KALRN: variants seen among roughly 807,000 people sequenced by gnomAD.
The protein encoded by KALRN is kalirin.
In KALRN, 70 loss-of-function variants were observed where a neutral mutation model predicts 353.7. The observed-to-expected ratio is 0.20, with a 90% CI of 0.16 to 0.24. KALRN has a LOEUF of 0.24. KALRN is among the 10% of genes least tolerant of loss of function. The probability of loss-of-function intolerance (pLI) is 1.00; values close to 1 mark genes in which losing one functional copy is unlikely to be tolerated. For missense variants in KALRN, 2,791 were observed against 3,756.7 expected, an observed-to-expected ratio of 0.74 and a Z score of 6.72; for synonymous variants, 1,391 against 1,434.8, an observed-to-expected ratio of 0.97 and a Z score of 0.69.
At chr3:124,622,915 A>G (rs2079442308) in intron 34 of KALRN, among the ~76,000 whole-genome samples, 1 of 142,596 alleles carries the variant, frequency 7.0e-6, no homozygotes, top group African/African-American at 2.8e-5. Flanking sequence ...ACACTAAACC[A>G]GAAAGGGGAG....
chr3:124,588,010 G>A (rs557724576), intron 34 of KALRN, among the ~76,000 whole-genome samples: 113 of 150,710 alleles, frequency 7.5e-4, no homozygotes, highest in African/African-American at 2.6e-3. Flanking sequence ...GTTCTATTGA[G>A]TATGAGTACA....
chr3:124,200,310 A>T (rs1032653270), intron 1 of KALRN, among the ~76,000 whole-genome samples: 1 of 152,262 alleles, frequency 6.6e-6, no homozygotes, highest in Non-Finnish European at 1.5e-5. Flanking sequence ...AAAATACCAT[A>T]AACTGGGTGG....
chr3:124,446,958 G>A lies in KALRN; in HGVS notation c.3552+73G>A, dbSNP rs903756014. 21 of 1,553,022 alleles carry A rather than the reference G, an allele frequency of 1.4e-5. No individual in the cohort carries two copies. In the African/African-American group the frequency reaches 1.6e-4, roughly 12 times the overall value. Reference sequence around the variant, plus strand: ...TTCTGGCCAATTTCACATTATGGAAGCAAAGACAGCTTCTGTAAGCAAAAA... The same window carrying A: ...TTCTGGCCAATTTCACATTATGGAAACAAAGACAGCTTCTGTAAGCAAAAA... On this transcript the variant is annotated intron_variant, in intron 21 of 59. Coordinates refer to ENST00000682506, the MANE Select transcript of KALRN (RefSeq NM_001388419.1).
chr3:124,472,118 C>G (rs889271733), intron 25 of KALRN, among the ~76,000 whole-genome samples: 7 of 152,102 alleles, frequency 4.6e-5, no homozygotes, highest in African/African-American at 1.7e-4. Context: ...GCTGCTATCA[C>G]AAAAGTCAGG....
At chr3:124,143,678 T>G (rs1920612) in intron 1 of KALRN, among the ~76,000 whole-genome samples, 42,566 of 152,074 alleles carry the variant, frequency 0.28, 6,485 homozygotes, top group East Asian at 0.47. Context: ...AGAAAATACC[T>G]ATTAATGCTA....
chr3:124,166,134 C>A (rs114608227), intron 1 of KALRN, among the ~76,000 whole-genome samples: 2 of 152,126 alleles, frequency 1.3e-5, no homozygotes, highest in Non-Finnish European at 2.9e-5. Context: ...GCCTGTCCCC[C>A]ACTCTACCAT....
chr3:124,238,057 C>G (rs755910147), intron 3 of KALRN, among the ~76,000 whole-genome samples: 11 of 152,134 alleles, frequency 7.2e-5, no homozygotes, highest in Admixed American at 1.3e-4. Context: ...TCTCTGTAGG[C>G]CAGGCCATAT....
intron 14 of KALRN, among the ~76,000 whole-genome samples, chr3:124,416,642 G>A (rs1479006521): frequency 6.6e-6 from 1 of 152,236 alleles, no homozygotes; most frequent in Non-Finnish European, 1.5e-5. Flanking sequence ...TTACTTCTGG[G>A]CTTAGGGAAA....
At chr3:124,094,596 C>A in intron 1 of KALRN, 1 of 558,556 alleles carries the variant, frequency 1.8e-6, no homozygotes, top group East Asian at 3.0e-5. Flanking sequence ...CCCCTTGGGT[C>A]CAGGCAGGCT....
intron 34 of KALRN, among the ~76,000 whole-genome samples, chr3:124,564,551 C>T (rs1203910307): frequency 1.3e-5 from 2 of 151,926 alleles, no homozygotes; most frequent in Admixed American, 6.6e-5. Context: ...GTGGCACACA[C>T]CCATAGTTCC....
chr3:124,135,654 G>A (rs1027052395), intron 1 of KALRN, among the ~76,000 whole-genome samples: 6 of 152,020 alleles, frequency 3.9e-5, no homozygotes, highest in African/African-American at 9.7e-5. Flanking sequence ...TAAGGACAGC[G>A]AATCAAGATG....
intron 1 of KALRN, among the ~76,000 whole-genome samples, chr3:124,212,847 T>C (rs2077015105): frequency 6.6e-6 from 1 of 152,152 alleles, no homozygotes; most frequent in African/African-American, 2.4e-5. Flanking sequence ...TAGTTTGCAT[T>C]TTCTTTATTA....
At chr3:124,254,371 G>T (rs1340620395) in intron 3 of KALRN, among the ~76,000 whole-genome samples, 1 of 139,154 alleles carries the variant, frequency 7.2e-6, no homozygotes, top group Non-Finnish European at 1.5e-5. Flanking sequence ...GAGCTAGCAA[G>T]AAGAAGCATG....
intron 6 of KALRN, among the ~76,000 whole-genome samples, 155 bp from the exon 7 acceptor site, chr3:124,325,825 C>T (rs1431727993): frequency 1.3e-5 from 2 of 152,142 alleles, no homozygotes; most frequent in Admixed American, 6.5e-5. Context: ...AAAAGATTTC[C>T]CTTGGGCCAA....
In KALRN at chr3:124,590,169, A is replaced by G. The variant is rs146756363; in HGVS notation, c.5182+27080A>G. On this transcript the variant is annotated intron_variant, in intron 34 of 59. Transcript: ENST00000682506. ...ATTATCTAATCTACTGAATGGTGATAGGTGTATCATTTATTACCTAGATAC... is the reference window on the plus strand; with the variant it reads ...ATTATCTAATCTACTGAATGGTGATGGGTGTATCATTTATTACCTAGATAC... Among the ~76,000 whole-genome samples, 1,076 of 152,274 alleles carry G rather than the reference A, an allele frequency of 7.1e-3. 12 individuals carry two copies. The highest frequency in any genetic ancestry group is 0.023 in the African/African-American group (973 of 41,544).
rs138799385 is a variant in KALRN, at chr3:124,113,949, C to T, written c.73+80136C>T. ...AGGATCCAAGGGCCATGGTGAATATCTGTCTCAACCCAGAAAGGAAGGAGC... is the reference window on the plus strand; with the variant it reads ...AGGATCCAAGGGCCATGGTGAATATTTGTCTCAACCCAGAAAGGAAGGAGC... On this transcript the variant is annotated intron_variant, in intron 1 of 59. Coordinates refer to ENST00000682506, the MANE Select transcript of KALRN (RefSeq NM_001388419.1). Among the ~76,000 whole-genome samples the T allele has an allele frequency of 5.4e-3, 822 of 152,310 alleles. 3 individuals are homozygous for T. The highest frequency in any genetic ancestry group is 9.0e-3 in the Non-Finnish European group (610 of 68,044).
At chr3:124,447,895 A>G (rs916500697) in intron 21 of KALRN, among the ~76,000 whole-genome samples, 1 of 152,230 alleles carries the variant, frequency 6.6e-6, no homozygotes, top group Admixed American at 6.5e-5. Context: ...ATGAGCACAG[A>G]TAAGAGACTC....
chr3:124,086,943 A>G (rs1352678957), intron 1 of KALRN, among the ~76,000 whole-genome samples: 1 of 152,232 alleles, frequency 6.6e-6, no homozygotes, highest in Non-Finnish European at 1.5e-5. Context: ...TTAACCCAAC[A>G]GTATGTCTTG....
At chr3:124,279,198 C>A (rs2075092340) in intron 5 of KALRN, among the ~76,000 whole-genome samples, 1 of 152,182 alleles carries the variant, frequency 6.6e-6, no homozygotes, top group Non-Finnish European at 1.5e-5. Context: ...GGGTTTGAAT[C>A]CCTGCTGGGC....
Sources: gnomAD v4.1 joint callset for allele counts (sites outside exome capture counted in the v4.1 genomes callset) on GRCh38, gnomAD v4.1.1 for gene constraint, MANE v1.5 for transcripts, NCBI Gene and HGNC (gene_info 2026-07-23, HGNC 2026-07-21) for gene names.